Variants in DIP2C observed in about 807,000 individuals in gnomAD.
DIP2C encodes DIP2 acetate--CoA ligase C (putative).
DIP2C carries 33 observed loss-of-function variants against 192.4 expected under a neutral mutation model. The observed-to-expected ratio is 0.17, with a 90% CI of 0.13 to 0.23. The LOEUF (loss-of-function observed/expected upper bound fraction) is 0.23, where lower values mean the gene tolerates loss of function less well. Among genes scored for constraint, DIP2C ranks in the 10% least tolerant of loss-of-function variants. The pLI is 1.00. For synonymous variants in DIP2C, 979 were observed against 864.1 expected, an observed-to-expected ratio of 1.13 and a Z score of -2.33; for missense variants, 1,537 against 2,110.1, an observed-to-expected ratio of 0.73 and a Z score of 5.32.
chr10:487,112 G>C (rs992181210), intron 1 of DIP2C, among the ~76,000 whole-genome samples: 5 of 152,204 alleles, frequency 3.3e-5, no homozygotes, highest in African/African-American at 1.2e-4. Flanking sequence ...ACATGTTAAA[G>C]CTCACAGACA....
intron 1 of DIP2C, among the ~76,000 whole-genome samples, chr10:558,439 G>A (rs898853394): frequency 2.6e-5 from 4 of 152,224 alleles, no homozygotes; most frequent in Non-Finnish European, 5.9e-5. Flanking sequence ...CGTAAAGGAA[G>A]GTGCAGTTGT....
intron 31 of DIP2C, among the ~76,000 whole-genome samples, chr10:320,899 G>C (rs981599997): frequency 6.6e-6 from 1 of 152,242 alleles, no homozygotes; most frequent in African/African-American, 2.4e-5. Context: ...GCAATTCAGA[G>C]GAAAGAGAGC....
intron 1 of DIP2C, among the ~76,000 whole-genome samples, chr10:499,996 C>A (rs1845113947): frequency 6.6e-6 from 1 of 152,196 alleles, no homozygotes; most frequent in African/African-American, 2.4e-5. Flanking sequence ...CTAAGCCCAG[C>A]TCTTGCTCGG....
intron 1 of DIP2C, among the ~76,000 whole-genome samples, chr10:647,663 C>T (rs1385185750): frequency 6.8e-6 from 1 of 148,084 alleles, no homozygotes; most frequent in African/African-American, 2.5e-5. Context: ...TCCACGTCCA[C>T]ATTGGATGGT....
At chr10:491,739 A>T (rs1844461162) in intron 1 of DIP2C, among the ~76,000 whole-genome samples, 1 of 152,250 alleles carries the variant, frequency 6.6e-6, no homozygotes, top group South Asian at 2.1e-4. Flanking sequence ...TAAGGACACA[A>T]GAAAATCTTT....
intron 5 of DIP2C, among the ~76,000 whole-genome samples, chr10:419,842 G>A (rs1301570600): frequency 2.6e-5 from 4 of 152,214 alleles, no homozygotes; most frequent in Non-Finnish European, 5.9e-5. Flanking sequence ...TAAGGATCGT[G>A]TAAGGCCAAT....
At chr10:579,667 G>A (rs571037484) in intron 1 of DIP2C, among the ~76,000 whole-genome samples, 1 of 151,994 alleles carries the variant, frequency 6.6e-6, no homozygotes, top group East Asian at 1.9e-4. Context: ...GATCCATAGT[G>A]TATGTACGTA....
intron 32 of DIP2C, among the ~76,000 whole-genome samples, chr10:295,093 G>A (rs7086003): frequency 0.18 from 27,423 of 152,002 alleles, 2,707 homozygotes; most frequent in African/African-American, 0.25. Flanking sequence ...CATCAGAGAA[G>A]TGGAAGTCTT....
At chr10:423,127 G>C in intron 4 of DIP2C, 94 bp from the exon 5 acceptor site, 1 of 1,191,408 alleles carries the variant, frequency 8.4e-7, no homozygotes, top group Non-Finnish European at 1.2e-6. Context: ...CTTCACGTAA[G>C]TCTCAATAGT....
chr10:539,045 G>A (rs988736636), intron 1 of DIP2C, among the ~76,000 whole-genome samples: 2 of 151,878 alleles, frequency 1.3e-5, no homozygotes, highest in East Asian at 1.9e-4. Flanking sequence ...TCTGTTCTAC[G>A]AGCTCAGTTG....
At chr10:435,705 C>G (rs1244143105) in intron 4 of DIP2C, among the ~76,000 whole-genome samples, 1 of 152,170 alleles carries the variant, frequency 6.6e-6, no homozygotes, top group East Asian at 1.9e-4. Context: ...GAGGCAGTGA[C>G]AATTCTCAAG....
intron 19 of DIP2C, among the ~76,000 whole-genome samples, chr10:365,855 G>C (rs1293259450): frequency 6.6e-6 from 1 of 152,220 alleles, no homozygotes; most frequent in Non-Finnish European, 1.5e-5. Context: ...CCAGGCCGAG[G>C]AGCCGTAAAG....
Position 390,721 on chromosome 10 carries a change from C to T in DIP2C, c.1384+19G>A, listed in dbSNP as rs373515464. On this transcript the variant is annotated intron_variant, in intron 11 of 36. Transcript: ENST00000280886. The stretch of plus-strand genomic sequence containing the variant: ...CAAAGGACGTGGGCATGCGAGCTCT[C>T]GGAGGCTCGGTGGCTTACCTTTAAA... 8 of 1,609,128 alleles carry T rather than the reference C, an allele frequency of 5.0e-6. No homozygotes were observed. The highest frequency in any genetic ancestry group is 2.2e-5 in the South Asian group (2 of 90,350).
chr10:584,637 C>T (rs1225968894), intron 1 of DIP2C, among the ~76,000 whole-genome samples: 11 of 111,474 alleles, frequency 9.9e-5, no homozygotes, highest in African/African-American at 1.9e-4. Context: ...CCCCCACTCA[C>T]GCGCATCACC....
intron 1 of DIP2C, among the ~76,000 whole-genome samples, chr10:607,665 T>C (rs1303152709): frequency 1.3e-5 from 2 of 152,154 alleles, no homozygotes; most frequent in African/African-American, 2.4e-5. Flanking sequence ...GCCCAAACGA[T>C]GCAATGAGTG....
chr10:558,969 C>T (rs570227052), intron 1 of DIP2C, among the ~76,000 whole-genome samples: 44 of 151,452 alleles, frequency 2.9e-4, no homozygotes, highest in Non-Finnish European at 5.3e-4. Context: ...CGGCAGACCA[C>T]CCCACCCCCT....
At chr10:427,092 G>T (rs941894740) in intron 4 of DIP2C, among the ~76,000 whole-genome samples, 6 of 152,152 alleles carry the variant, frequency 3.9e-5, no homozygotes, top group African/African-American at 9.7e-5. Flanking sequence ...AACAACACAC[G>T]TATCTATTAT....
At chr10:483,594 T>C (rs1358001985) in intron 2 of DIP2C, among the ~76,000 whole-genome samples, 1 of 152,192 alleles carries the variant, frequency 6.6e-6, no homozygotes, top group East Asian at 1.9e-4. Context: ...TTCCGGCAGA[T>C]AAATTCTGAA....
intron 1 of DIP2C, among the ~76,000 whole-genome samples, chr10:640,582 G>T (rs983546388): frequency 1.3e-5 from 2 of 152,040 alleles, no homozygotes; most frequent in African/African-American, 4.8e-5. Context: ...CGCGACGGGG[G>T]ACGAGGGTGC....
Sources: allele counts gnomAD v4.1 joint callset (sites outside exome capture counted in the v4.1 genomes callset), GRCh38; gene constraint gnomAD v4.1.1; transcripts MANE v1.5; gene names NCBI Gene and HGNC (gene_info 2026-07-23, HGNC 2026-07-21).